CCDC175: variants seen among roughly 807,000 people sequenced by gnomAD.
CCDC175 encodes coiled-coil domain containing 175.
A neutral mutation model predicts 114.6 loss-of-function variants in CCDC175; 100 were observed. That is an observed-to-expected ratio of 0.87 (90% CI 0.74 to 1.03). CCDC175 has a LOEUF of 1.03. Among genes scored for constraint, CCDC175 ranks in the 50% least tolerant of loss-of-function variants. The pLI is 0.00. For synonymous variants in CCDC175, 306 were observed against 308.7 expected (o/e 0.99, Z 0.09); for missense variants, 880 against 917.8 (o/e 0.96, Z 0.53).
chr14:59,544,192 G>T (rs1894961293), intron 9 of CCDC175, among the ~76,000 whole-genome samples: 1 of 152,148 alleles, frequency 6.6e-6, no homozygotes, highest in Non-Finnish European at 1.5e-5. Context: ...TTGAGACGGA[G>T]TCTGGCTCTT....
chr14:59,557,861 A>T (rs1490369787), intron 7 of CCDC175, among the ~76,000 whole-genome samples: 1 of 152,180 alleles, frequency 6.6e-6, no homozygotes, highest in Non-Finnish European at 1.5e-5. Context: ...GATACAGCAT[A>T]TGCAAGGTCC....
rs551237287 is a variant in CCDC175, at chr14:59,524,337, T to C, written c.1995+945A>G. 1.5e-3 allele frequency among the ~76,000 whole-genome samples: 221 copies of C among 151,974 alleles called. 1 individual carries two copies. The highest frequency in any genetic ancestry group is 2.7e-3 in the South Asian group (13 of 4,798). On this transcript the variant is annotated intron_variant, in intron 16 of 19. Transcript: ENST00000537690. ...GAATACATTTTAAGTATAAATAGACTTTAATTTTAGGGGTTGGATGAACAA... is the reference window on the plus strand; with the variant it reads ...GAATACATTTTAAGTATAAATAGACCTTAATTTTAGGGGTTGGATGAACAA...
chr14:59,509,543 C>T (rs1231589580), intron 19 of CCDC175, among the ~76,000 whole-genome samples: 16 of 152,318 alleles, frequency 1.1e-4, no homozygotes, highest in Non-Finnish European at 2.4e-4. Context: ...GACAGGGTCT[C>T]ACTCTGTCAT....
intron 17 of CCDC175, among the ~76,000 whole-genome samples, chr14:59,514,607 G>A (rs1892957951): frequency 6.6e-6 from 1 of 152,110 alleles, no homozygotes; most frequent in East Asian, 1.9e-4. Flanking sequence ...GAGAAGAGAA[G>A]TTTAGAGAAA....
intron 17 of CCDC175, among the ~76,000 whole-genome samples, chr14:59,516,042 C>T (rs1380905566): frequency 6.6e-6 from 1 of 152,206 alleles, no homozygotes; most frequent in Non-Finnish European, 1.5e-5. Context: ...TACTTGGAAA[C>T]TGAACAACCT....
At position 59,561,189 on chromosome 14, in the gene CCDC175, C is replaced by A. The variant is rs112952088; in HGVS notation, c.883G>T (p.Glu295Ter). The A allele has an allele frequency of 1.3e-6, 2 of 1,535,064 alleles. No individual in the cohort carries two copies. The highest frequency in any genetic ancestry group is 2.4e-5 in the South Asian group (2 of 83,942). Reference sequence around the variant, plus strand: ...TCTTGTTCCCAATACCTTATTGATTCGTGTAGTCGTGCTATCTCTAAATTG... The same window carrying A: ...TCTTGTTCCCAATACCTTATTGATTAGTGTAGTCGTGCTATCTCTAAATTG... ...DHNLEIARLHESIRYWEQEVS... is the reference protein window; with the variant it reads ...DHNLEIARLH The change falls in exon 7 of 20, where the codon GAA becomes TAA. Residue 295 changes from glutamate to a stop codon, truncating the protein, a stop_gained. Transcript: ENST00000537690. LOFTEE classifies it high-confidence loss of function.
chr14:59,573,487 AG>A (rs902009315), intron 2 of CCDC175, among the ~76,000 whole-genome samples: 2 of 152,158 alleles, frequency 1.3e-5, no homozygotes, highest in African/African-American at 4.8e-5. Context: ...GAAAATAGAA[AG>A]TATATTCATC....
At chr14:59,551,535 G>C in intron 7 of CCDC175, 99 bp from the exon 8 acceptor site, 1 of 533,498 alleles carries the variant, frequency 1.9e-6, no homozygotes, top group Non-Finnish European at 3.2e-6. Flanking sequence ...ACAGCTCCCA[G>C]TGTGAGTGAC....
chr14:59,538,914 C>G, intron 11 of CCDC175, 74 bp from the exon 12 acceptor site: 1 of 1,358,672 alleles, frequency 7.4e-7, no homozygotes, highest in African/African-American at 1.5e-5. Flanking sequence ...AAATTCAAAG[C>G]AAAACAAGTC....
At chr14:59,533,077 C>T (rs555566543) in intron 13 of CCDC175, among the ~76,000 whole-genome samples, 93 of 152,292 alleles carry the variant, frequency 6.1e-4, no homozygotes, top group African/African-American at 2.1e-3. Flanking sequence ...TGGCTGTTTC[C>T]TTCAAGCCCA....
At chr14:59,524,568 G>A (rs1893630359) in intron 16 of CCDC175, among the ~76,000 whole-genome samples, 1 of 152,190 alleles carries the variant, frequency 6.6e-6, no homozygotes, top group African/African-American at 2.4e-5. Context: ...AATTGAAAAA[G>A]ACAGTTTTGT....
chr14:59,517,882 G>A (rs1030349561), intron 17 of CCDC175, among the ~76,000 whole-genome samples: 4 of 151,958 alleles, frequency 2.6e-5, no homozygotes, highest in African/African-American at 4.8e-5. Context: ...AAGCCAAAAG[G>A]ACAAAGCTGG....
rs1036067067 is a variant in CCDC175 at position 59,572,698 on chromosome 14, G to C, written c.355+4C>G. The C allele has an allele frequency of 1.4e-6, 2 of 1,442,810 alleles. No homozygotes were observed. Among genetic ancestry groups the C allele is most frequent in the Admixed American group, 5.5e-5 (2 of 36,122 alleles). The allele number at this position is 1,442,810 out of a possible 1,614,324, so 89.4% of individuals were successfully genotyped here. ...ATTTCTAGAGTTGATAACCTCAAAA[G>C]TACCTTCCAATTCCCTCTTAATGCT... On this transcript the variant is annotated splice_donor_region_variant and intron_variant, in intron 3 of 19. Coordinates refer to ENST00000537690, the MANE Select transcript of CCDC175 (RefSeq NM_001164399.2).
chr14:59,557,101 C>A (rs1289720728), intron 7 of CCDC175, among the ~76,000 whole-genome samples: 3 of 152,134 alleles, frequency 2.0e-5, no homozygotes, highest in Admixed American at 6.5e-5. Flanking sequence ...TTTGACCCAG[C>A]CATCCCATTA....
Position 59,555,416 on chromosome 14 carries a change from C to A in CCDC175, c.954-3980G>T, listed in dbSNP as rs146078206. Among the ~76,000 whole-genome samples the A allele has an allele frequency of 6.1e-3, 925 of 152,264 alleles. 5 individuals carry two copies. Among genetic ancestry groups the A allele is most frequent in the African/African-American group, 0.021 (874 of 41,540 alleles). On this transcript the variant is annotated intron_variant, in intron 7 of 19. Transcript: ENST00000537690. The stretch of plus-strand genomic sequence containing the variant: ...AGGCCTTTGACAAAATTCAACAGCC[C>A]TCCAATGCTAAAAACTCTCAATAAA...
At chr14:59,532,026 C>G in intron 13 of CCDC175, 116 bp from the exon 14 acceptor site, 2 of 592,426 alleles carry the variant, frequency 3.4e-6, no homozygotes, top group Non-Finnish European at 5.8e-6. Flanking sequence ...GTCTCCTATC[C>G]TGAGGTACAT....
At chr14:59,531,453 A>G (rs1381959884) in intron 14 of CCDC175, among the ~76,000 whole-genome samples, 1 of 152,230 alleles carries the variant, frequency 6.6e-6, no homozygotes, top group Admixed American at 6.5e-5. Flanking sequence ...TACAAAAAAA[A>G]TTCCACATGG....
At chr14:59,522,310 C>G (rs1049622441) in intron 16 of CCDC175, among the ~76,000 whole-genome samples, 6 of 152,174 alleles carry the variant, frequency 3.9e-5, no homozygotes, top group African/African-American at 1.4e-4. Context: ...CCATAAAAAT[C>G]TTTGAAATTG....
rs200609362 is a variant in CCDC175, at chr14:59,540,493, C to A, written c.1355+182G>T. On this transcript the variant is annotated intron_variant, in intron 11 of 19. Coordinates refer to ENST00000537690, the MANE Select transcript of CCDC175 (RefSeq NM_001164399.2). ...GGAAAACTTTGATTCTGTTCAATGC[C>A]AAAAAAAAAAAAATCAAATTAACCA... Among the ~76,000 whole-genome samples, 53 of 144,760 alleles carry A rather than the reference C, an allele frequency of 3.7e-4. 1 individual carries two copies. The highest frequency in any genetic ancestry group is 6.2e-4 in the Admixed American group (9 of 14,556). 95.0% of individuals were successfully genotyped at this position (144,760 alleles called of 152,430 possible). A position where few individuals can be genotyped will look rare whatever the true frequency, so the allele number is the denominator to read the frequency against.
Sources: allele counts gnomAD v4.1 joint callset (sites outside exome capture counted in the v4.1 genomes callset), GRCh38; gene constraint gnomAD v4.1.1; transcripts MANE v1.5; gene names NCBI Gene and HGNC (gene_info 2026-07-23, HGNC 2026-07-21).